Variants in CLASP1 observed in about 807,000 individuals in gnomAD.
The protein encoded by CLASP1 is cytoplasmic linker associated protein 1, also known as CLIP-associating protein 1.
In CLASP1, 38 loss-of-function variants were observed where a neutral mutation model predicts 192.3. The ratio of observed to expected loss-of-function variants is 0.20; its 90% CI spans 0.15 to 0.26. The LOEUF (loss-of-function observed/expected upper bound fraction) is 0.26. Ranked by LOEUF, CLASP1 falls within the 10% of genes least tolerant of loss-of-function variation. The pLI, the probability that CLASP1 is intolerant of heterozygous loss-of-function variation, is 1.00. For synonymous variants in CLASP1, 691 were observed against 712.8 expected, an observed-to-expected ratio of 0.97 and a Z score of 0.49; for missense variants, 1,433 against 1,932.5, an observed-to-expected ratio of 0.74 and a Z score of 4.85.
At chr2:121,396,761 A>C (rs1026968674) in intron 30 of CLASP1, among the ~76,000 whole-genome samples, 3 of 152,234 alleles carry the variant, frequency 2.0e-5, no homozygotes, top group African/African-American at 7.2e-5. Flanking sequence ...CGTCTTATCA[A>C]ACTTTTCAAC....
chr2:121,500,342 GAA>G (rs758763690), intron 8 of CLASP1, among the ~76,000 whole-genome samples: 2 of 88,894 alleles, frequency 2.2e-5, no homozygotes, highest in East Asian at 3.9e-4. Context: ...AGGAAAGAAA[GAA>G]AAAGAAAGAA....
chr2:121,438,638 A>G (rs933622109), intron 19 of CLASP1, among the ~76,000 whole-genome samples: 1 of 151,962 alleles, frequency 6.6e-6, no homozygotes, highest in African/African-American at 2.4e-5. Flanking sequence ...ACATTTATTG[A>G]TTTGCGTATA....
At chr2:121,520,414 C>T (rs1192902059) in intron 6 of CLASP1, among the ~76,000 whole-genome samples, 1 of 152,208 alleles carries the variant, frequency 6.6e-6, no homozygotes, top group Admixed American at 6.5e-5. Context: ...TACCCCAGCA[C>T]CCCAGCACAG....
At chr2:121,474,708 C>T (rs2091377156) in intron 8 of CLASP1, among the ~76,000 whole-genome samples, 1 of 152,016 alleles carries the variant, frequency 6.6e-6, no homozygotes, top group African/African-American at 2.4e-5. Flanking sequence ...TGCCCTCCAG[C>T]GTGGGTGACA....
chr2:121,405,724 A>G (rs867704983), intron 25 of CLASP1, among the ~76,000 whole-genome samples: 1 of 152,266 alleles, frequency 6.6e-6, no homozygotes, highest in African/African-American at 2.4e-5. Flanking sequence ...TGGGACCACC[A>G]GGATTAAACA....
At chr2:121,563,131 G>C (rs1195626951) in intron 2 of CLASP1, among the ~76,000 whole-genome samples, 1 of 152,090 alleles carries the variant, frequency 6.6e-6, no homozygotes, top group East Asian at 1.9e-4. Context: ...CTCAACTGGA[G>C]GCTTCCCCCA....
At chr2:121,625,917 G>A (rs970546117) in intron 1 of CLASP1, among the ~76,000 whole-genome samples, 1 of 151,746 alleles carries the variant, frequency 6.6e-6, no homozygotes, top group African/African-American at 2.4e-5. Flanking sequence ...TGGCCAACAT[G>A]GTGAAACCTC....
chr2:121,489,340 C>T (rs1005869038), intron 8 of CLASP1, among the ~76,000 whole-genome samples: 2 of 152,106 alleles, frequency 1.3e-5, no homozygotes, highest in South Asian at 4.1e-4. Context: ...CCAACTTAAC[C>T]AAATTTAAGA....
chr2:121,351,173 A>AC (rs2149146828), intron 37 of CLASP1, among the ~76,000 whole-genome samples: 1 of 151,812 alleles, frequency 6.6e-6, no homozygotes, highest in South Asian at 2.1e-4. Context: ...GTTCCTGCTG[A>AC]CCTCCCACTC....
At chr2:121,360,569 A>T (rs1363307355) in intron 37 of CLASP1, among the ~76,000 whole-genome samples, 1 of 151,596 alleles carries the variant, frequency 6.6e-6, no homozygotes, top group Non-Finnish European at 1.5e-5. Context: ...TGGTTAAAAT[A>T]AGAGGAAGAT....
chr2:121,406,382 T>C (rs1216256857), intron 25 of CLASP1, among the ~76,000 whole-genome samples: 1 of 152,236 alleles, frequency 6.6e-6, no homozygotes, highest in Non-Finnish European at 1.5e-5. Flanking sequence ...ATAAGCTACA[T>C]ATATGCACAT....
At chr2:121,597,809 T>C (rs12711557) in intron 2 of CLASP1, among the ~76,000 whole-genome samples, 16,652 of 152,290 alleles carry the variant, frequency 0.11, 1,128 homozygotes, top group African/African-American at 0.18. Flanking sequence ...TGCATGTTAC[T>C]GCACTGCTGC....
chr2:121,382,349 C>T (rs1379994398), intron 32 of CLASP1, 25 bp from the exon 34 acceptor site: 1 of 1,443,166 alleles, frequency 6.9e-7, no homozygotes, highest in Non-Finnish European at 9.3e-7. Context: ...AGAGGAAAAT[C>T]AGAGAGAGAA....
At chr2:121,422,227 T>C (rs779204883) in intron 22 of CLASP1, among the ~76,000 whole-genome samples, 10 of 152,294 alleles carry the variant, frequency 6.6e-5, no homozygotes, top group South Asian at 2.1e-4. Flanking sequence ...TATAAGAGAA[T>C]TAATAAAAAC....
chr2:121,491,199 C>T (rs2093287370), intron 8 of CLASP1, among the ~76,000 whole-genome samples: 1 of 152,214 alleles, frequency 6.6e-6, no homozygotes, highest in Admixed American at 6.5e-5. Flanking sequence ...AAATGATACC[C>T]TGTACATTCA....
intron 2 of CLASP1, among the ~76,000 whole-genome samples, chr2:121,559,936 T>C (rs937175369): frequency 6.6e-6 from 1 of 152,142 alleles, no homozygotes; most frequent in Non-Finnish European, 1.5e-5. Context: ...TGTGGTATCC[T>C]GGACTGGATC....
intron 8 of CLASP1, among the ~76,000 whole-genome samples, chr2:121,501,620 G>A (rs1470706764): frequency 1.3e-5 from 2 of 152,144 alleles, no homozygotes; most frequent in Non-Finnish European, 2.9e-5. Flanking sequence ...AAATAAGGAG[G>A]ATTAATGAAA....
At chr2:121,345,328 G>T (rs971273855) in intron 39 of CLASP1, among the ~76,000 whole-genome samples, 4 of 152,110 alleles carry the variant, frequency 2.6e-5, no homozygotes, top group Non-Finnish European at 5.9e-5. Flanking sequence ...TGGCAGCAGC[G>T]GGTCAATTGC....
chr2:121,364,658 A>AG (rs148090381), intron 36 of CLASP1: 2,374 of 187,960 alleles, frequency 0.013, 57 homozygotes, highest in African/African-American at 0.051. Context: ...TAACATATGT[A>AG]GGGGGGGACC....
Sources: gnomAD v4.1 joint callset for allele counts (sites outside exome capture counted in the v4.1 genomes callset) on GRCh38, gnomAD v4.1.1 for gene constraint, MANE v1.5 for transcripts, NCBI Gene and HGNC (gene_info 2026-07-23, HGNC 2026-07-21) for gene names.